The following DGKB variants were observed in gnomAD, a reference collection of about 807,000 sequenced individuals.
DGKB encodes 90 kDa diacylglycerol kinase.
DGKB carries 67 observed loss-of-function variants against 114.3 expected under a neutral mutation model. The ratio of observed to expected loss-of-function variants is 0.59; its 90% CI spans 0.48 to 0.72. The LOEUF is 0.72. Ranked by LOEUF, DGKB falls within the 30% of genes least tolerant of loss-of-function variation. The probability of loss-of-function intolerance (pLI) is 0.00; values close to 1 mark genes in which losing one functional copy is unlikely to be tolerated. For synonymous variants in DGKB, 398 were observed against 323.1 expected (o/e 1.23, Z -2.49); for missense variants, 907 against 975.2 (o/e 0.93, Z 0.93).
chr7:14,678,264 G>A (rs996017664), intron 12 of DGKB, among the ~76,000 whole-genome samples: 13 of 152,028 alleles, frequency 8.6e-5, no homozygotes, highest in Non-Finnish European at 1.9e-4. Context: ...CAGTGCAAAC[G>A]ATGTTAGACT....
intron 21 of DGKB, among the ~76,000 whole-genome samples, chr7:14,402,867 G>C (rs759042723): frequency 9.2e-5 from 14 of 151,768 alleles, no homozygotes; most frequent in Non-Finnish European, 1.9e-4. Context: ...GAGATCAAAG[G>C]CTCCAGACTG....
At chr7:14,965,020 G>C (rs895912889) in intron 1 of DGKB, among the ~76,000 whole-genome samples, 2 of 152,060 alleles carry the variant, frequency 1.3e-5, no homozygotes, top group African/African-American at 2.4e-5. Flanking sequence ...AGAGGGAATG[G>C]ATTCACAATA....
intron 1 of DGKB, among the ~76,000 whole-genome samples, chr7:14,890,621 T>C (rs1781052164): frequency 6.6e-6 from 1 of 151,486 alleles, no homozygotes; most frequent in East Asian, 1.9e-4. Context: ...AAACATCTTC[T>C]TTCTGTTACT....
intron 12 of DGKB, among the ~76,000 whole-genome samples, chr7:14,674,964 T>C: frequency 6.6e-6 from 1 of 152,088 alleles, no homozygotes; most frequent in African/African-American, 2.4e-5. Flanking sequence ...AGGAAACTAA[T>C]AAACCCAGTA....
intron 21 of DGKB, among the ~76,000 whole-genome samples, chr7:14,393,157 T>G (rs1359051062): frequency 1.3e-5 from 2 of 151,680 alleles, no homozygotes; most frequent in African/African-American, 2.4e-5. Flanking sequence ...GCCAGGCTAA[T>G]TTTTTGTATT....
chr7:14,787,218 C>T (rs927777934), intron 2 of DGKB, among the ~76,000 whole-genome samples: 5 of 152,032 alleles, frequency 3.3e-5, no homozygotes, highest in African/African-American at 4.8e-5. Context: ...AATTTTATAG[C>T]GGAGTGTGGG....
At chr7:14,181,398 G>A (rs961460428) in intron 23 of DGKB, among the ~76,000 whole-genome samples, 3 of 152,164 alleles carry the variant, frequency 2.0e-5, no homozygotes, top group South Asian at 2.1e-4. Flanking sequence ...ATTCCACAGT[G>A]TATGTAACCA....
chr7:14,171,994 A>AT (rs1481524349), intron 25 of DGKB, among the ~76,000 whole-genome samples: 1 of 152,154 alleles, frequency 6.6e-6, no homozygotes, highest in Non-Finnish European at 1.5e-5. Flanking sequence ...GATAAAACTG[A>AT]AACACTGAGG....
chr7:14,604,749 T>C (rs1226432658), intron 17 of DGKB, among the ~76,000 whole-genome samples: 2 of 152,060 alleles, frequency 1.3e-5, no homozygotes, highest in African/African-American at 4.8e-5. Flanking sequence ...GCTGGGAGGA[T>C]TCACAAGTGA....
At chr7:14,319,342 C>G (rs1807286473) in intron 23 of DGKB, among the ~76,000 whole-genome samples, 1 of 152,132 alleles carries the variant, frequency 6.6e-6, no homozygotes, top group East Asian at 1.9e-4. Context: ...GAGAATCCAG[C>G]TGTCTTCTAT....
chr7:14,755,507 T>C (rs986686579), intron 3 of DGKB, among the ~76,000 whole-genome samples: 1 of 152,174 alleles, frequency 6.6e-6, no homozygotes, highest in Non-Finnish European at 1.5e-5. Context: ...ATTGTCCATT[T>C]TTTCTTGTAT....
chr7:14,861,978 A>T (rs1481523670), intron 1 of DGKB, among the ~76,000 whole-genome samples: 1 of 152,050 alleles, frequency 6.6e-6, no homozygotes, highest in Non-Finnish European at 1.5e-5. Context: ...TCTCATTTAT[A>T]TGACCACCAG....
At chr7:14,920,234 G>T (rs1784447825) in intron 1 of DGKB, among the ~76,000 whole-genome samples, 1 of 152,064 alleles carries the variant, frequency 6.6e-6, no homozygotes, top group South Asian at 2.1e-4. Context: ...CAGCCTCAAA[G>T]ACAGTATTTG....
In DGKB at chr7:14,231,028, T is replaced by A. The variant is rs188641840; in HGVS notation, c.2123-52877A>T. 6.6e-5 allele frequency among the ~76,000 whole-genome samples: 10 copies of A among 152,122 alleles called. 1 individual carries two copies. The highest frequency in any genetic ancestry group is 3.3e-4 in the Admixed American group (5 of 15,252). On this transcript the variant is annotated intron_variant, in intron 23 of 25. Coordinates refer to ENST00000402815, the MANE Select transcript of DGKB (RefSeq NM_001350709.2). ...GGCTAAGTCCCTAAGTCTCTGTTGT[T>A]CATTGTTGGCTGACGAATTGTATTA...
chr7:14,584,938 G>C (rs1800517275), intron 17 of DGKB, among the ~76,000 whole-genome samples: 1 of 152,062 alleles, frequency 6.6e-6, no homozygotes, highest in Non-Finnish European at 1.5e-5. Context: ...GGGATTACAG[G>C]TGTGAGCCAC....
At chr7:14,530,381 T>C (rs1285496718) in intron 20 of DGKB, among the ~76,000 whole-genome samples, 1 of 151,554 alleles carries the variant, frequency 6.6e-6, no homozygotes, top group Non-Finnish European at 1.5e-5. Flanking sequence ...ATAACTCATC[T>C]CAAATTGCCT....
chr7:14,867,031 T>A (rs941864889), intron 1 of DGKB, among the ~76,000 whole-genome samples: 1 of 152,340 alleles, frequency 6.6e-6, no homozygotes, highest in South Asian at 2.1e-4. Flanking sequence ...ATATTTTCTT[T>A]GGTTAAGTGT....
At chr7:14,761,047 A>T (rs1369058771) in intron 2 of DGKB, among the ~76,000 whole-genome samples, 1 of 152,168 alleles carries the variant, frequency 6.6e-6, no homozygotes, top group African/African-American at 2.4e-5. Flanking sequence ...CAGATGAATC[A>T]CTATCAATTC....
rs370800055 is a variant in DGKB at position 14,488,053 on chromosome 7, C to G, written c.1771-9828G>C. On this transcript the variant is annotated intron_variant, in intron 20 of 25. Transcript: ENST00000402815. ...CAAATGATTACTATGAGTCTCAATTCCAAAACAGAAACCCATGACTACAGC... is the reference window on the plus strand; with the variant it reads ...CAAATGATTACTATGAGTCTCAATTGCAAAACAGAAACCCATGACTACAGC... Among the ~76,000 whole-genome samples, 63 of 152,104 alleles carry G rather than the reference C, an allele frequency of 4.1e-4. No individual in the cohort carries two copies. The East Asian group carries it at 0.011, about 28-fold the overall frequency.
Sources: gnomAD v4.1 joint callset for allele counts (sites outside exome capture counted in the v4.1 genomes callset) on GRCh38, gnomAD v4.1.1 for gene constraint, MANE v1.5 for transcripts, NCBI Gene and HGNC (gene_info 2026-07-23, HGNC 2026-07-21) for gene names.